CTSG: variants seen among roughly 807,000 people sequenced by gnomAD.
CTSG encodes the protein cathepsin G.
A neutral mutation model predicts 23.0 loss-of-function variants in CTSG; 23 were observed. The ratio of observed to expected loss-of-function variants is 1.00; its 90% confidence interval spans 0.72 to 1.42. The LOEUF (loss-of-function observed/expected upper bound fraction) is 1.42. Among genes scored for constraint, CTSG ranks in the 40% most tolerant of loss-of-function variants. The pLI, the probability that CTSG is intolerant of heterozygous loss-of-function variation, is 0.00. For synonymous variants in CTSG, 140 were observed against 130.4 expected, an observed-to-expected ratio of 1.07 and a Z score of -0.50; for missense variants, 312 against 326.2, an observed-to-expected ratio of 0.96 and a Z score of 0.33.
chr14:24,575,530 G>C, intron 1 of CTSG, 118 bp from the exon 2 acceptor site: 2 of 1,072,794 alleles, frequency 1.9e-6, no homozygotes, highest in African/African-American at 1.5e-5. Context: ...GTGCAGGAGA[G>C]GGAGGAGATG....
intron 4 of CTSG, 134 bp downstream of exon 4, chr14:24,574,111 A>T: frequency 8.9e-7 from 1 of 1,128,354 alleles, no homozygotes; most frequent in Non-Finnish European, 1.3e-6. Flanking sequence ...GACCAGGTTG[A>T]TGGGGAAAAC....
rs1294430940 is a variant in CTSG, at chr14:24,575,357, A to AT, written c.110dup (p.Tyr37Ter). The part of the protein sequence containing the change: ...SRPHSRPYMA[Y>*]LQIQSPAGQS... ...GACCTGCTGGACTCTGGATCTGAAG[A>AT]TACGCCATGTAGGGGCGGGAGTGGG... Residue 37 changes from tyrosine (Y) to a stop codon, truncating the protein, a stop_gained and frameshift_variant, in exon 2 of 5, where the codon TAT becomes TAAT. Transcript: ENST00000216336. LOFTEE classifies it high-confidence loss of function. 7 of 1,614,148 alleles carry AT rather than the reference A, an allele frequency of 4.3e-6. No homozygotes were observed. In the South Asian group the frequency reaches 7.7e-5, roughly 18 times the overall value.
Position 24,574,389 on chromosome 14 carries a change from G to C in CTSG, c.450C>G (p.Val150=), listed in dbSNP as rs866067079. 6.2e-7 allele frequency: 1 copy of C among 1,612,076 alleles called. No homozygotes were observed. The highest frequency in any genetic ancestry group is 1.6e-4 in the Middle Eastern group (1 of 6,062). ...GTGTATCTGTTCCCCTCCTCATGCTGACCCTGCCCCAGCCGGCCACAGTGC... is the reference window on the plus strand; with the variant it reads ...GTGTATCTGTTCCCCTCCTCATGCTCACCCTGCCCCAGCCGGCCACAGTGC... ...TLCTVAGWGR[V]SMRRGTDTLR... is the part of the protein sequence containing the mutation. The change falls in exon 4 of 5, where the codon GTC becomes GTG. Residue 150 remains valine (V), a synonymous_variant. Coordinates refer to ENST00000216336, the MANE Select transcript of CTSG (RefSeq NM_001911.3).
chr14:24,576,124 C>T (rs367789722), intron 1 of CTSG, 45 bp downstream of exon 1: 7 of 1,571,692 alleles, frequency 4.5e-6, no homozygotes, highest in Non-Finnish European at 6.1e-6. Context: ...GCTCAAGAAT[C>T]TATGGGATGA....
In CTSG at chr14:24,574,727, C is replaced by A. The variant is rs768436752; in HGVS notation, c.287G>T (p.Arg96Leu). ...QQHITARRAIRHPQYNQRTIQ... is the reference protein window; with the variant it reads ...QQHITARRAILHPQYNQRTIQ... The stretch of plus-strand genomic sequence containing the variant: ...GGTCCGCTGATTATATTGAGGGTGG[C>A]GGATGGCTCTGCGCGCAGTGATGTG... Residue 96 changes from arginine (R) to leucine (L), a missense_variant, in exon 3 of 5, where the codon CGC (arginine) becomes CTC (leucine). Arg to Leu is a moderately radical substitution (Grantham distance 102, BLOSUM62 -2). Coordinates refer to ENST00000216336, the MANE Select transcript of CTSG (RefSeq NM_001911.3). 2.5e-5 allele frequency: 40 copies of A among 1,614,062 alleles called. No homozygotes were observed. Among genetic ancestry groups the A allele is most frequent in the African/African-American group, 4.0e-5 (3 of 74,928 alleles).
chr14:24,575,165 A>C, intron 2 of CTSG, 100 bp downstream of exon 2: 1 of 1,391,802 alleles, frequency 7.2e-7, no homozygotes. Flanking sequence ...TCTTTCTTTC[A>C]CCCTTTCATT....
Position 24,573,703 on chromosome 14 carries a change from G to A in CTSG, c.702C>T (p.Phe234=), listed in dbSNP as rs61737118. Residue 234 remains phenylalanine (F), a synonymous_variant, in exon 5 of 5, where the codon TTC becomes TTT. Transcript: ENST00000216336. ...PPEVFTRVSS[F]LPWIRTTMRS... ...TCATTGTTGTCCTTATCCAGGGCAG[G>A]AAACTTGAGACCCTGGTGAAGACTT... The A allele has an allele frequency of 7.8e-3, 12,623 of 1,614,066 alleles. 471 individuals carry two copies. In the African/African-American group the frequency reaches 0.11, roughly 14 times the overall value.
Position 24,573,714 on chromosome 14 carries a change from C to A in CTSG, c.691G>T (p.Val231Phe), listed in dbSNP as rs1463344913. ...SGVPPEVFTRVSSFLPWIRTT... is the reference protein window; with the variant it reads ...SGVPPEVFTRFSSFLPWIRTT... ...CTTATCCAGGGCAGGAAACTTGAGACCCTGGTGAAGACTTCTGGAGGAACC... is the reference window on the plus strand; with the variant it reads ...CTTATCCAGGGCAGGAAACTTGAGAACCTGGTGAAGACTTCTGGAGGAACC... The change falls in exon 5 of 5, where the codon GTC becomes TTC. Residue 231 changes from valine to phenylalanine, a missense_variant. Transcript: ENST00000216336. 1 of 1,614,070 alleles carries A rather than the reference C, an allele frequency of 6.2e-7. No individual in the cohort carries two copies. The highest frequency in any genetic ancestry group is 8.5e-7 in the Non-Finnish European group (1 of 1,180,014).
rs771208409 is a variant in CTSG at position 24,573,793 on chromosome 14, G to T, written c.612C>A (p.Pro204=). The part of the protein sequence containing the change: ...KAAFKGDSGG[P]LLCNNVAHGI... ...CGTGGGCCACATTGTTACACAGCAG[G>T]GGGCCTCCGGAATCCCCCTGTAGGT... Residue 204 remains proline, a synonymous_variant, in exon 5 of 5, where the codon CCC becomes CCA. Coordinates refer to ENST00000216336, the MANE Select transcript of CTSG (RefSeq NM_001911.3). The T allele has an allele frequency of 6.8e-6, 11 of 1,613,890 alleles. No individual in the cohort carries two copies. Among genetic ancestry groups the T allele is most frequent in the Non-Finnish European group, 8.5e-6 (10 of 1,179,998 alleles).
chr14:24,573,878 T>TTG, intron 4 of CTSG, 68 bp from the exon 5 acceptor site: 1 of 1,453,124 alleles, frequency 6.9e-7, no homozygotes, highest in Non-Finnish European at 9.4e-7. Flanking sequence ...AGCTCCGGGC[T>TTG]CTCAGGGAAG....
At chr14:24,574,166 G>C in intron 4 of CTSG, 79 bp downstream of exon 4, 1 of 1,542,676 alleles carries the variant, frequency 6.5e-7, no homozygotes, top group Admixed American at 1.8e-5. Context: ...GAGGCTGTGG[G>C]GATGGAATCT....
At chr14:24,575,907 T>G (rs1273942449) in intron 1 of CTSG, among the ~76,000 whole-genome samples, 1 of 152,242 alleles carries the variant, frequency 6.6e-6, no homozygotes, top group Non-Finnish European at 1.5e-5. Context: ...GTCTGACACA[T>G]GCTGCCAAAT....
intron 2 of CTSG, 120 bp downstream of exon 2, chr14:24,575,145 A>G (rs1168425300): frequency 2.6e-6 from 3 of 1,146,324 alleles, no homozygotes; most frequent in Non-Finnish European, 3.8e-6. Flanking sequence ...TCCCGCAAAG[A>G]CTCACTTGGT....
chr14:24,574,403 C>A lies in CTSG; in HGVS notation c.436G>T (p.Gly146Cys). 6.2e-7 allele frequency: 1 copy of A among 1,612,990 alleles called. No individual in the cohort carries two copies. The highest frequency in any genetic ancestry group is 8.5e-7 in the Non-Finnish European group (1 of 1,180,034). The change falls in exon 4 of 5, where the codon GGC (glycine) becomes TGC (cysteine). Residue 146 changes from glycine (G) to cysteine (C), a missense_variant. Coordinates refer to ENST00000216336, the MANE Select transcript of CTSG (RefSeq NM_001911.3). ...LRPGTLCTVA[G>C]WGRVSMRRGT... Reference sequence around the variant, plus strand: ...CTCCTCATGCTGACCCTGCCCCAGCCGGCCACAGTGCACAGCGTCCCGGGT... The same window carrying A: ...CTCCTCATGCTGACCCTGCCCCAGCAGGCCACAGTGCACAGCGTCCCGGGT...
At chr14:24,575,472 G>T (rs754317601) in intron 1 of CTSG, 60 bp from the exon 2 acceptor site, 6 of 1,578,914 alleles carry the variant, frequency 3.8e-6, no homozygotes, top group Non-Finnish European at 4.3e-6. Flanking sequence ...GTGGGTACCA[G>T]ATTGGTGGCT....
chr14:24,574,994 G>A (rs978420422), intron 2 of CTSG, 184 bp from the exon 3 acceptor site: 1 of 794,678 alleles, frequency 1.3e-6, no homozygotes, highest in Non-Finnish European at 2.0e-6. Flanking sequence ...GGTGGTACTT[G>A]CCTTCAGGTT....
chr14:24,576,073 T>C (rs2066740326), intron 1 of CTSG, 96 bp downstream of exon 1: 1 of 968,412 alleles, frequency 1.0e-6, no homozygotes, highest in South Asian at 1.4e-5. Context: ...TTCAAATAAC[T>C]TGCTCAACAG....
chr14:24,575,135 TC>T, intron 2 of CTSG, 129 bp downstream of exon 2: 1 of 1,053,322 alleles, frequency 9.5e-7, no homozygotes, highest in Non-Finnish European at 1.4e-6. Flanking sequence ...GCCTGTTCCC[TC>T]CCGCAAAGAC....
In CTSG at chr14:24,576,236, G is replaced by C; in HGVS notation, c.-13C>G. The C allele has an allele frequency of 6.2e-7, 1 of 1,602,544 alleles. No homozygotes were observed. Among genetic ancestry groups the C allele is most frequent in the Non-Finnish European group, 8.5e-7 (1 of 1,174,604 alleles). On this transcript the variant is annotated 5_prime_UTR_variant, in exon 1 of 5. Coordinates refer to ENST00000216336, the MANE Select transcript of CTSG (RefSeq NM_001911.3). ...GGAGTGGCTGCATCTTTCCTGAAAG[G>C]CTGCCCAGTCAGTTGCTGCTGTGCT...
Sources: allele counts gnomAD v4.1 joint callset (sites outside exome capture counted in the v4.1 genomes callset), GRCh38; gene constraint gnomAD v4.1.1; transcripts MANE v1.5; gene names NCBI Gene and HGNC (gene_info 2026-07-23, HGNC 2026-07-21).